The following FLI1 variants were observed in gnomAD, a reference collection of about 807,000 sequenced individuals.
FLI1 encodes Friend leukemia integration 1 transcription factor.
A neutral mutation model predicts 53.1 loss-of-function variants in FLI1; 13 were observed. That is an observed-to-expected ratio of 0.24 (90% CI 0.16 to 0.39). The LOEUF is 0.39. Ranked by LOEUF, FLI1 falls within the 10% of genes least tolerant of loss-of-function variation. The pLI, the probability that FLI1 is intolerant of heterozygous loss-of-function variation, is 1.00. For missense variants in FLI1, 424 were observed against 600.5 expected (o/e 0.71, Z 3.07); for synonymous variants, 244 against 236.7 (o/e 1.03, Z -0.28).
Position 128,768,098 on chromosome 11 carries a change from T to C in FLI1, c.231-20T>C, listed in dbSNP as rs1467805084. The C allele has an allele frequency of 1.3e-6, 2 of 1,597,836 alleles. No homozygotes were observed. Among genetic ancestry groups the C allele is most frequent in the Non-Finnish European group, 1.7e-6 (2 of 1,169,942 alleles). On this transcript the variant is annotated intron_variant, in intron 2 of 8. Transcript: ENST00000527786. Reference sequence around the variant, plus strand: ...CTGTCAGTGCTGACCGCCTCTGGGCTTTGTCTCTTCTCACTTTAGGGAGTC... The same window carrying C: ...CTGTCAGTGCTGACCGCCTCTGGGCCTTGTCTCTTCTCACTTTAGGGAGTC...
At chr11:128,692,546 T>C (rs1006284300), upstream of FLI1, 11 of 149,108 alleles carry the variant, frequency 7.4e-5, no homozygotes, top group Admixed American at 1.4e-4. Flanking sequence ...GAACCCAAAA[T>C]TGGAGCCGAA....
At chr11:128,721,370 A>G (rs2135736124) in intron 1 of FLI1, among the ~76,000 whole-genome samples, 1 of 152,362 alleles carries the variant, frequency 6.6e-6, no homozygotes, top group Middle Eastern at 3.4e-3. Context: ...GTCACAGAAG[A>G]AACAAAGAAT....
intron 5 of FLI1, among the ~76,000 whole-genome samples, chr11:128,800,740 G>T (rs1226832591): frequency 2.0e-5 from 3 of 152,202 alleles, no homozygotes; most frequent in African/African-American, 7.2e-5. Context: ...TGGTGATACT[G>T]TTAAGGACAT....
intron 5 of FLI1, chr11:128,804,924 AC>A (rs1942736260): frequency 6.5e-6 from 1 of 153,778 alleles, no homozygotes; most frequent in Admixed American, 6.5e-5. Flanking sequence ...GAAATGTCTA[AC>A]CTTGTGTCAG....
chr11:128,777,068 A>G (rs1779525930), intron 4 of FLI1, among the ~76,000 whole-genome samples: 1 of 152,188 alleles, frequency 6.6e-6, no homozygotes, highest in South Asian at 2.1e-4. Context: ...CGGCCCCACC[A>G]GTATCTCTCC....
In FLI1 at chr11:128,809,150, TC is replaced by T; in HGVS notation, c.782-5del. On this transcript the variant is annotated splice_polypyrimidine_tract_variant and splice_region_variant and intron_variant, in intron 7 of 8. Transcript: ENST00000527786. ...ACTGAAGCAAATTTCCTTTTTTATTTCCTTAGATCCGTATCAGATCCTGGGC... is the reference window on the plus strand; with the variant it reads ...ACTGAAGCAAATTTCCTTTTTTATTTCTTAGATCCGTATCAGATCCTGGGC... The T allele has an allele frequency of 6.2e-7, 1 of 1,613,278 alleles. No homozygotes were observed. Among genetic ancestry groups the T allele is most frequent in the Non-Finnish European group, 8.5e-7 (1 of 1,179,424 alleles).
chr11:128,747,612 C>G (rs1221501492), intron 1 of FLI1, among the ~76,000 whole-genome samples: 5 of 152,238 alleles, frequency 3.3e-5, no homozygotes, highest in Non-Finnish European at 7.3e-5. Context: ...CTCAGTCTGG[C>G]TTTGCTTTGC....
chr11:128,788,860 C>T (rs1419939410), intron 5 of FLI1, among the ~76,000 whole-genome samples: 1 of 152,180 alleles, frequency 6.6e-6, no homozygotes, highest in African/African-American at 2.4e-5. Context: ...GAATACCAGG[C>T]TGAGCCCTAA....
At chr11:128,779,836 T>G (rs986214189) in intron 4 of FLI1, among the ~76,000 whole-genome samples, 2 of 152,234 alleles carry the variant, frequency 1.3e-5, no homozygotes, top group Admixed American at 1.3e-4. Flanking sequence ...TACCACAAAA[T>G]GTACTTACAC....
intron 1 of FLI1, among the ~76,000 whole-genome samples, chr11:128,703,547 A>G (rs1227662491): frequency 1.3e-5 from 2 of 152,114 alleles, no homozygotes; most frequent in Non-Finnish European, 2.9e-5. Context: ...AAAAAGCAAA[A>G]AGTTCCAAAA....
chr11:128,700,483 G>A (rs1249872831), intron 1 of FLI1, among the ~76,000 whole-genome samples: 1 of 152,218 alleles, frequency 6.6e-6, no homozygotes, highest in African/African-American at 2.4e-5. Flanking sequence ...CTAGGAGAGT[G>A]GAGGGTACTT....
upstream of FLI1, chr11:128,692,569 A>T (rs971879375): frequency 1.3e-5 from 2 of 151,828 alleles, no homozygotes; most frequent in Admixed American, 1.3e-4. Context: ...GATGAGACTA[A>T]TTTCTAGAGA....
intron 2 of FLI1, among the ~76,000 whole-genome samples, chr11:128,765,679 A>G (rs1941314037): frequency 6.6e-6 from 1 of 152,354 alleles, no homozygotes; most frequent in South Asian, 2.1e-4. Context: ...ACTTGGTTGC[A>G]GGCCAACTTA....
At chr11:128,687,032 G>C (rs1459874287) in intron 1 of FLI1, 1 of 157,814 alleles carries the variant, frequency 6.3e-6, no homozygotes, top group Admixed American at 6.1e-5. Flanking sequence ...CGCACAGCGT[G>C]TTCCCTGCAT....
At chr11:128,766,015 C>T (rs1409390452) in intron 2 of FLI1, among the ~76,000 whole-genome samples, 1 of 152,082 alleles carries the variant, frequency 6.6e-6, no homozygotes, top group Non-Finnish European at 1.5e-5. Context: ...TATGTGTGCA[C>T]GTGTTCTCTG....
At chr11:128,746,650 T>G (rs1328310555) in intron 1 of FLI1, among the ~76,000 whole-genome samples, 1 of 152,190 alleles carries the variant, frequency 6.6e-6, no homozygotes, top group Admixed American at 6.6e-5. Flanking sequence ...AACTCCATCC[T>G]GGCTCCCAGG....
chr11:128,694,335 G>A, intron 1 of FLI1, 59 bp downstream of exon 1: 1 of 1,272,448 alleles, frequency 7.9e-7, no homozygotes, highest in Non-Finnish European at 1.0e-6. Flanking sequence ...CGAAGCGGCG[G>A]GCGGGTAGGT....
intron 5 of FLI1, among the ~76,000 whole-genome samples, chr11:128,789,373 C>T (rs932746275): frequency 2.0e-5 from 3 of 152,050 alleles, no homozygotes; most frequent in Non-Finnish European, 4.4e-5. Context: ...AGCGGAGAGC[C>T]AGGGACTTGT....
intron 1 of FLI1, among the ~76,000 whole-genome samples, chr11:128,732,521 G>C (rs1202928803): frequency 6.6e-6 from 1 of 152,194 alleles, no homozygotes. Context: ...TCCAATGGGA[G>C]AGCGACACAA....
Sources: gnomAD v4.1 joint callset for allele counts (sites outside exome capture counted in the v4.1 genomes callset) on GRCh38, gnomAD v4.1.1 for gene constraint, MANE v1.5 for transcripts, NCBI Gene and HGNC (gene_info 2026-07-23, HGNC 2026-07-21) for gene names.